Variants in FAM184A observed in about 807,000 individuals in gnomAD.
FAM184A encodes protein FAM184A.
FAM184A carries 99 observed loss-of-function variants against 143.8 expected under a neutral mutation model. That is an observed-to-expected ratio of 0.69 (90% CI 0.58 to 0.81). FAM184A has a LOEUF of 0.81. Among genes scored for constraint, FAM184A ranks in the 40% least tolerant of loss-of-function variants. The pLI, the probability that FAM184A is intolerant of heterozygous loss-of-function variation, is 0.00. For synonymous variants in FAM184A, 427 were observed against 446.4 expected (o/e 0.96, Z 0.55); for missense variants, 1,217 against 1,310.5 (o/e 0.93, Z 1.10).
intron 1 of FAM184A, among the ~76,000 whole-genome samples, chr6:119,107,749 G>A (rs1040989041): frequency 2.7e-5 from 4 of 149,630 alleles, no homozygotes; most frequent in African/African-American, 9.9e-5. Context: ...CTGCACTCCA[G>A]CCTGGGTGAC....
upstream of FAM184A, among the ~76,000 whole-genome samples, chr6:119,083,051 C>T (rs1317051523): frequency 6.6e-6 from 1 of 152,236 alleles, no homozygotes; most frequent in Non-Finnish European, 1.5e-5. Context: ...CTTCTGTGCA[C>T]CTGCAGGCCC....
rs13204883 is a variant in FAM184A at position 119,061,532 on chromosome 6, T to C, written c.159+16609A>G. Among the ~76,000 whole-genome samples the C allele has an allele frequency of 7.1e-3, 431 of 61,114 alleles. 6 individuals are homozygous for C. Among genetic ancestry groups the C allele is most frequent in the African/African-American group, 0.03 (415 of 14,050 alleles). 40.1% of individuals were successfully genotyped at this position (61,114 alleles called of 152,430 possible). ...TACCATGCCTGGCTAATTATTTTTC[T>C]TTTTTTTTTTTTTTTTTTTTTTTTT... On this transcript the variant is annotated intron_variant, in intron 1 of 17. Coordinates refer to ENST00000338891, the MANE Select transcript of FAM184A (RefSeq NM_024581.6).
intron 14 of FAM184A, among the ~76,000 whole-genome samples, chr6:118,973,654 T>A (rs1190221955): frequency 6.6e-6 from 1 of 152,156 alleles, no homozygotes; most frequent in Non-Finnish European, 1.5e-5. Context: ...AGTAGATTAA[T>A]TCTGAAATAA....
intron 1 of FAM184A, among the ~76,000 whole-genome samples, chr6:119,046,724 G>T (rs183888848): frequency 5.3e-4 from 80 of 152,238 alleles, no homozygotes; most frequent in Non-Finnish European, 8.2e-4. Context: ...CCACAGTCTT[G>T]CTAATACATA....
chr6:119,143,633 A>G (rs1005684781), intron 1 of FAM184A, among the ~76,000 whole-genome samples: 2 of 152,236 alleles, frequency 1.3e-5, no homozygotes, highest in African/African-American at 4.8e-5. Flanking sequence ...AGCCTTAAGA[A>G]GGAGTGACGT....
intron 1 of FAM184A, among the ~76,000 whole-genome samples, chr6:119,102,926 T>G (rs1274589703): frequency 6.6e-6 from 1 of 152,176 alleles, no homozygotes; most frequent in East Asian, 1.9e-4. Flanking sequence ...GCCTTGGTTT[T>G]CTATACAATG....
rs564769253 is a variant in FAM184A, at chr6:118,967,617, T to C, written c.2916-665A>G. The stretch of plus-strand genomic sequence containing the variant: ...CCTGAATGCCTTGAACGTTAAAATA[T>C]AGGCCACTTTTTATAAGCAGGTGAC... On this transcript the variant is annotated intron_variant, in intron 14 of 17. Coordinates refer to ENST00000338891, the MANE Select transcript of FAM184A (RefSeq NM_024581.6). Among the ~76,000 whole-genome samples, 21 of 152,262 alleles carry C rather than the reference T, an allele frequency of 1.4e-4. No individual in the cohort carries two copies. In the South Asian group the frequency reaches 3.5e-3, roughly 26 times the overall value.
In FAM184A at chr6:119,078,285, G is replaced by A; in HGVS notation, c.15C>T (p.Gly5=). 6.7e-7 allele frequency: 1 copy of A among 1,499,730 alleles called. No homozygotes were observed. The allele number at this position is 1,499,730 out of a possible 1,614,324, so 92.9% of individuals were successfully genotyped here. A position where few individuals can be genotyped will look rare whatever the true frequency, so the allele number is the denominator to read the frequency against. MATP[G]MSWQQHYYGG... ...CGTAATAGTGCTGCTGCCAGCTCATGCCCGGGGTCGCCATCTTCCCAACAG... is the reference window on the plus strand; with the variant it reads ...CGTAATAGTGCTGCTGCCAGCTCATACCCGGGGTCGCCATCTTCCCAACAG... The change falls in exon 1 of 18, where the codon GGC becomes GGT. Residue 5 remains glycine (G), a synonymous_variant. Coordinates refer to ENST00000338891, the MANE Select transcript of FAM184A (RefSeq NM_024581.6). This position sits in a 1 kb window ranked among gnomAD's most constrained non-coding sequence, Gnocchi z 5.5.
intron 1 of FAM184A, among the ~76,000 whole-genome samples, chr6:119,126,685 C>T (rs1250977220): frequency 6.6e-6 from 1 of 152,208 alleles, no homozygotes; most frequent in African/African-American, 2.4e-5. Context: ...TGTTTAAAGG[C>T]TCAGTGAAGC....
intron 1 of FAM184A, among the ~76,000 whole-genome samples, chr6:119,035,315 C>G: frequency 6.6e-6 from 1 of 152,124 alleles, no homozygotes; most frequent in East Asian, 1.9e-4. Context: ...TCATTATACC[C>G]TCCTCCCACT....
rs192399275 is a variant in FAM184A at position 119,025,741 on chromosome 6, G to A, written c.160-928C>T. 2.2e-3 allele frequency: 872 copies of A among 404,152 alleles called. 11 individuals are homozygous for A. Among genetic ancestry groups the A allele is most frequent in the Non-Finnish European group, 5.2e-4 (108 of 208,172 alleles). The allele number at this position is 404,152 out of a possible 1,614,324, so 25.0% of individuals were successfully genotyped here. The stretch of plus-strand genomic sequence containing the variant: ...TGAGATGAGCCCACTTTCTTCCCCC[G>A]GAAGCGAAAAGAAGTAAACACTGTA... On this transcript the variant is annotated intron_variant, in intron 1 of 17. Coordinates refer to ENST00000338891, the MANE Select transcript of FAM184A (RefSeq NM_024581.6).
intron 1 of FAM184A, among the ~76,000 whole-genome samples, chr6:119,040,344 T>C (rs1384821162): frequency 6.6e-6 from 1 of 152,232 alleles, no homozygotes; most frequent in African/African-American, 2.4e-5. Flanking sequence ...AAGAGATTTC[T>C]ATGCCTCACC....
intron 1 of FAM184A, among the ~76,000 whole-genome samples, chr6:119,122,053 G>C: frequency 6.6e-6 from 1 of 152,182 alleles, no homozygotes; most frequent in Non-Finnish European, 1.5e-5. Context: ...ACAGGCAGGA[G>C]CCACCATGAC....
At chr6:119,006,748 CAAAT>C in intron 6 of FAM184A, 140 bp from the exon 7 acceptor site, 1 of 644,548 alleles carries the variant, frequency 1.6e-6, no homozygotes, top group Non-Finnish European at 2.5e-6. Flanking sequence ...AAAAAGCACT[CAAAT>C]AACCATGACA....
At chr6:118,996,231 C>T (rs1784542938) in intron 9 of FAM184A, among the ~76,000 whole-genome samples, 1 of 152,136 alleles carries the variant, frequency 6.6e-6, no homozygotes, top group Non-Finnish European at 1.5e-5. Context: ...ATACTAACCA[C>T]ATAAGTGTGA....
At chr6:119,112,780 G>A (rs1178013193) in intron 1 of FAM184A, among the ~76,000 whole-genome samples, 2 of 152,146 alleles carry the variant, frequency 1.3e-5, no homozygotes, top group Non-Finnish European at 2.9e-5. Flanking sequence ...GTGTGGAAAA[G>A]ATAAAAATGA....
At chr6:119,068,217 T>C (rs1292821241) in intron 1 of FAM184A, among the ~76,000 whole-genome samples, 2 of 151,984 alleles carry the variant, frequency 1.3e-5, no homozygotes, top group African/African-American at 4.8e-5. Flanking sequence ...CGGCTAATTT[T>C]TGTATTTTTA....
chr6:119,050,983 GCCTA>G (rs1454206410), intron 1 of FAM184A, among the ~76,000 whole-genome samples: 1 of 152,114 alleles, frequency 6.6e-6, no homozygotes, highest in African/African-American at 2.4e-5. Flanking sequence ...GAACGCTGGG[GCCTA>G]CCTGAGAGTG....
chr6:119,130,322 T>C (rs1789502772), intron 1 of FAM184A, among the ~76,000 whole-genome samples: 2 of 152,212 alleles, frequency 1.3e-5, no homozygotes, highest in Non-Finnish European at 2.9e-5. Context: ...AATGAAAGAC[T>C]GACAGATTCC....
Sources: gnomAD v4.1 joint callset for allele counts (sites outside exome capture counted in the v4.1 genomes callset) on GRCh38, gnomAD v4.1.1 for gene constraint, Gnocchi (gnomAD v3.1) non-coding constraint, MANE v1.5 for transcripts, NCBI Gene and HGNC (gene_info 2026-07-23, HGNC 2026-07-21) for gene names.